KIF26B: variants seen among roughly 807,000 people sequenced by gnomAD.
KIF26B encodes kinesin-like protein KIF26B.
KIF26B carries 63 observed loss-of-function variants against 151.2 expected under a neutral mutation model. The observed-to-expected ratio is 0.42, with a 90% CI of 0.34 to 0.51. The LOEUF (loss-of-function observed/expected upper bound fraction) is 0.51. Ranked by LOEUF, KIF26B falls within the 20% of genes least tolerant of loss-of-function variation. The probability of loss-of-function intolerance (pLI) is 0.07; values close to 1 mark genes in which losing one functional copy is unlikely to be tolerated. For synonymous variants in KIF26B, 1,357 were observed against 1,262.1 expected (o/e 1.08, Z -1.59); for missense variants, 2,813 against 2,913.6 (o/e 0.97, Z 0.79).
rs1271216029 is a variant in KIF26B, at chr1:245,686,920, C to T, written c.3937C>T (p.Pro1313Ser). 6.2e-7 allele frequency: 1 copy of T among 1,613,162 alleles called. No homozygotes were observed. The highest frequency in any genetic ancestry group is 8.5e-7 in the Non-Finnish European group (1 of 1,179,746). The change falls in exon 12 of 15, where the codon CCT becomes TCT. Residue 1313 changes from proline (P) to serine (S), a missense_variant. Physicochemically the swap from Pro to Ser is moderately conservative, Grantham distance 74. Coordinates refer to ENST00000407071, the MANE Select transcript of KIF26B (RefSeq NM_018012.4). The surrounding 1 kb of genome is among the most constrained non-coding windows in gnomAD (Gnocchi z 5.6). ...TGGGCACGGGGAGGCAATGGCAGAACCTGTGGCCTCGGAGTTTGTCAGCAG... is the reference window on the plus strand; with the variant it reads ...TGGGCACGGGGAGGCAATGGCAGAATCTGTGGCCTCGGAGTTTGTCAGCAG... Reference protein sequence around the residue: ...CFGHGEAMAEPVASEFVSSLQ... With the variant: ...CFGHGEAMAESVASEFVSSLQ...
intron 2 of KIF26B, among the ~76,000 whole-genome samples, chr1:245,200,029 C>T (rs548521326): frequency 4.6e-5 from 7 of 152,318 alleles, no homozygotes; most frequent in South Asian, 2.1e-4. Flanking sequence ...TCTACACTTC[C>T]GTGCTATCAT....
chr1:245,265,750 A>G (rs1319366260), intron 2 of KIF26B, among the ~76,000 whole-genome samples: 2 of 151,996 alleles, frequency 1.3e-5, no homozygotes, highest in Admixed American at 6.6e-5. Flanking sequence ...GGCTGCAGGC[A>G]CACACCACCA....
At chr1:245,618,948 A>T (rs1414834059) in intron 9 of KIF26B, among the ~76,000 whole-genome samples, 4 of 136,912 alleles carry the variant, frequency 2.9e-5, no homozygotes, top group Admixed American at 2.3e-4. Flanking sequence ...CTTGAGACAG[A>T]GTGCCACAGT....
At chr1:245,390,953 C>CAAAAAAAAAAA (rs1491437625) in intron 3 of KIF26B, among the ~76,000 whole-genome samples, 2 of 48,870 alleles carry the variant, frequency 4.1e-5, no homozygotes, top group African/African-American at 1.4e-4. Flanking sequence ...AAAAAAAAAA[C>CAAAAAAAAAAA]CACCATAAAA....
intron 2 of KIF26B, among the ~76,000 whole-genome samples, chr1:245,174,182 C>T (rs1668763060): frequency 6.6e-6 from 1 of 152,206 alleles, no homozygotes; most frequent in South Asian, 2.1e-4. Context: ...TCTGCCCACA[C>T]ATTTTATGTG....
At chr1:245,342,044 G>A (rs1332145052) in intron 2 of KIF26B, among the ~76,000 whole-genome samples, 1 of 152,160 alleles carries the variant, frequency 6.6e-6, no homozygotes, top group Non-Finnish European at 1.5e-5. Context: ...CTCTTGAACC[G>A]TAAACCAGAA....
rs1355398710 is a variant in KIF26B at position 245,218,507 on chromosome 1, G to A, written c.465+61824G>A. Among the ~76,000 whole-genome samples, 2 of 152,170 alleles carry A rather than the reference G, an allele frequency of 1.3e-5. No individual in the cohort carries two copies. The highest frequency in any genetic ancestry group is 2.4e-5 in the African/African-American group (1 of 41,426). On this transcript the variant is annotated intron_variant, in intron 2 of 14. Transcript: ENST00000407071. This position sits in a 1 kb window ranked among gnomAD's most constrained non-coding sequence, Gnocchi z 4.1. The stretch of plus-strand genomic sequence containing the variant: ...GCAGGAGGGTATTGGGTGTGGGGCC[G>A]ATGGTTTTCACTCAATCCGCCGGGA...
rs1661593597 is a variant in KIF26B at position 245,540,642 on chromosome 1, C to A, written c.1167-125C>A. On this transcript the variant is annotated intron_variant, in intron 4 of 14. Transcript: ENST00000407071. The surrounding 1 kb of genome is among the most constrained non-coding windows in gnomAD (Gnocchi z 4.6). ...AGGGACTGCTACAGAGGACACTGAG[C>A]AGGAGGAGAGAAGGAATGATTAGGC... 1.2e-6 allele frequency: 1 copy of A among 855,208 alleles called. No individual in the cohort carries two copies. Among genetic ancestry groups the A allele is most frequent in the Non-Finnish European group, 2.0e-6 (1 of 488,874 alleles). 53.0% of individuals were successfully genotyped at this position (855,208 alleles called of 1,614,324 possible). A position where few individuals can be genotyped will look rare whatever the true frequency, so the allele number is the denominator to read the frequency against.
intron 4 of KIF26B, among the ~76,000 whole-genome samples, chr1:245,443,488 A>G (rs527744794): frequency 2.1e-5 from 2 of 97,332 alleles, no homozygotes; most frequent in South Asian, 9.5e-4. Flanking sequence ...CTGTTCATCT[A>G]GAGGAGAGGT....
intron 9 of KIF26B, chr1:245,614,626 T>A (rs954679891): frequency 6.6e-6 from 1 of 152,218 alleles, no homozygotes. Context: ...GTGGCTGCTG[T>A]GAAGAACCGA....
chr1:245,695,673 T>C (rs2044683464), intron 12 of KIF26B, among the ~76,000 whole-genome samples: 1 of 152,096 alleles, frequency 6.6e-6, no homozygotes, highest in African/African-American at 2.4e-5. Context: ...AAGGAGGCAA[T>C]GGGAAGGAAG....
intron 2 of KIF26B, among the ~76,000 whole-genome samples, chr1:245,299,332 T>G (rs548629951): frequency 4.0e-5 from 6 of 150,676 alleles, no homozygotes; most frequent in South Asian, 2.1e-4. Flanking sequence ...TTTTTTTTTT[T>G]TTTTTTTTTT....
chr1:245,243,471 C>T (rs549145284), intron 2 of KIF26B, among the ~76,000 whole-genome samples: 5,638 of 150,030 alleles, frequency 0.038, 134 homozygotes, highest in Non-Finnish European at 0.042. Flanking sequence ...CACACACACA[C>T]ATATATATAT....
intron 9 of KIF26B, among the ~76,000 whole-genome samples, chr1:245,626,100 T>A (rs2043721126): frequency 6.6e-6 from 1 of 152,206 alleles, no homozygotes; most frequent in Non-Finnish European, 1.5e-5. Flanking sequence ...CAGAGCACAT[T>A]TTCTTGGTCC....
At chr1:245,199,474 C>T (rs10157493) in intron 2 of KIF26B, among the ~76,000 whole-genome samples, 82,699 of 151,514 alleles carry the variant, frequency 0.55, 23,466 homozygotes, top group Admixed American at 0.62. Context: ...GTTCATATAT[C>T]CACATATCTT....
chr1:245,160,277 G>A (rs578105078), intron 2 of KIF26B, among the ~76,000 whole-genome samples: 6 of 152,294 alleles, frequency 3.9e-5, no homozygotes, highest in Admixed American at 2.0e-4. Context: ...TTTTGGTGCC[G>A]GTGAGTGGAA....
At chr1:245,652,423 GAC>G (rs2044029558) in intron 10 of KIF26B, among the ~76,000 whole-genome samples, 1 of 152,148 alleles carries the variant, frequency 6.6e-6, no homozygotes, top group Non-Finnish European at 1.5e-5. Context: ...ATGTCGCTGG[GAC>G]ATCGAAGTCC....
Position 245,686,404 on chromosome 1 carries a change from T to C in KIF26B, c.3421T>C (p.Ser1141Pro), listed in dbSNP as rs370575598. The C allele has an allele frequency of 6.2e-7, 1 of 1,613,458 alleles. No homozygotes were observed. The change falls in exon 12 of 15, where the codon TCT becomes CCT. Residue 1141 changes from serine (S) to proline (P), a missense_variant. Transcript: ENST00000407071. This position sits in a 1 kb window ranked among gnomAD's most constrained non-coding sequence, Gnocchi z 5.6. ...MSPQVLKKSM[S>P]AGSEGFPETP... is the part of the protein sequence containing the mutation. The stretch of plus-strand genomic sequence containing the variant: ...CCCCCAGGTTTTGAAAAAATCCATG[T>C]CTGCTGGGAGCGAAGGGTTCCCGGA...
At chr1:245,306,993 A>G (rs12143002) in intron 2 of KIF26B, among the ~76,000 whole-genome samples, 29,533 of 152,148 alleles carry the variant, frequency 0.19, 3,030 homozygotes, top group East Asian at 0.43. Context: ...TGTTTTTACT[A>G]ATCTCTTTCA....
Sources: allele counts gnomAD v4.1 joint callset (sites outside exome capture counted in the v4.1 genomes callset), GRCh38; gene constraint gnomAD v4.1.1; non-coding constraint Gnocchi (gnomAD v3.1); transcripts MANE v1.5; gene names NCBI Gene and HGNC (gene_info 2026-07-23, HGNC 2026-07-21).